ARID4B: variants seen among roughly 807,000 people sequenced by gnomAD.
ARID4B encodes AT-rich interactive domain-containing protein 4B.
A neutral mutation model predicts 147.5 loss-of-function variants in ARID4B; 26 were observed. The ratio of observed to expected loss-of-function variants is 0.18; its 90% CI spans 0.13 to 0.24. ARID4B has a LOEUF of 0.24. ARID4B is among the 10% of genes least tolerant of loss of function. ARID4B has a pLI of 1.00. For missense variants in ARID4B, 1,179 were observed against 1,511.5 expected, an observed-to-expected ratio of 0.78 and a Z score of 3.65; for synonymous variants, 512 against 507.9, an observed-to-expected ratio of 1.01 and a Z score of -0.11.
intron 2 of ARID4B, among the ~76,000 whole-genome samples, chr1:235,271,518 T>C (rs1289135166): frequency 6.6e-6 from 1 of 151,316 alleles, no homozygotes; most frequent in Non-Finnish European, 1.5e-5. Context: ...TAATCCCAGC[T>C]ACTTGGGAGG....
In ARID4B at chr1:235,231,147, G is replaced by C. The variant is rs1467119541; in HGVS notation, c.708C>G (p.Asp236Glu). 6.3e-7 allele frequency: 1 copy of C among 1,591,514 alleles called. No homozygotes were observed. The highest frequency in any genetic ancestry group is 1.8e-5 in the Admixed American group (1 of 56,410). The change falls in exon 10 of 24, where the codon GAC becomes GAG. Residue 236 changes from aspartate (D) to glutamate (E), a missense_variant. Transcript: ENST00000264183. ...AAACAGCATCAGGCTTTGGTGCAGT[G>C]TCACTAGTAATTTCATGGACATCTT... ...PRKDVHEITSDTAPKPDAVLK... is the reference protein window; with the variant it reads ...PRKDVHEITSETAPKPDAVLK...
At chr1:235,221,411 G>GAATA (rs1667459668) in intron 14 of ARID4B, among the ~76,000 whole-genome samples, 154 bp downstream of exon 14, 1 of 151,970 alleles carries the variant, frequency 6.6e-6, no homozygotes, top group Admixed American at 6.6e-5. Flanking sequence ...TAGTATCATA[G>GAATA]AATACACTTT....
intron 8 of ARID4B, among the ~76,000 whole-genome samples, chr1:235,239,254 G>A (rs1668829049): frequency 6.6e-6 from 1 of 152,066 alleles, no homozygotes; most frequent in Non-Finnish European, 1.5e-5. Context: ...TTACAGGTGT[G>A]AGCCACCACA....
chr1:235,322,907 A>T (rs1674945040), intron 2 of ARID4B, among the ~76,000 whole-genome samples: 1 of 152,138 alleles, frequency 6.6e-6, no homozygotes, highest in Admixed American at 6.5e-5. Context: ...GAACATGTAC[A>T]CACACACAGG....
In ARID4B at chr1:235,216,356, C is replaced by CT. The variant is rs546821557; in HGVS notation, c.1584-2331dup. ...ACATATATACGTGTATATATATATA[C>CT]TTTTTTTTTGAGACAGAGTCTCGCT... On this transcript the variant is annotated intron_variant, in intron 16 of 23. Transcript: ENST00000264183. Among the ~76,000 whole-genome samples, 44 of 150,510 alleles carry CT rather than the reference C, an allele frequency of 2.9e-4. No homozygotes were observed. The East Asian group carries it at 6.4e-3, about 22-fold the overall frequency.
At chr1:235,236,833 A>AAAATATATATATATATATAT (rs1175189621) in intron 8 of ARID4B, among the ~76,000 whole-genome samples, 3 of 33,520 alleles carry the variant, frequency 8.9e-5, no homozygotes, top group Non-Finnish European at 1.4e-4. Flanking sequence ...TTTTATAAAA[A>AAAATATATATATATATATAT]ATATATATAT....
intron 2 of ARID4B, among the ~76,000 whole-genome samples, chr1:235,321,913 A>C (rs764442916): frequency 2.6e-5 from 4 of 151,700 alleles, no homozygotes; most frequent in Non-Finnish European, 5.9e-5. Context: ...TTCCATCCTT[A>C]CATTCAGCTC....
At chr1:235,191,524 G>A (rs1157576062) in intron 19 of ARID4B, among the ~76,000 whole-genome samples, 5 of 152,032 alleles carry the variant, frequency 3.3e-5, no homozygotes, top group Admixed American at 3.3e-4. Context: ...CAAAAGTGCT[G>A]GGATTACAGG....
chr1:235,191,107 C>G (rs1188099998), intron 19 of ARID4B, among the ~76,000 whole-genome samples: 1 of 152,122 alleles, frequency 6.6e-6, no homozygotes, highest in East Asian at 1.9e-4. Flanking sequence ...ATCATTTTAT[C>G]CAGCAGAAAC....
intron 7 of ARID4B, among the ~76,000 whole-genome samples, chr1:235,245,593 C>A (rs991503356): frequency 7.9e-5 from 12 of 151,960 alleles, no homozygotes; most frequent in Non-Finnish European, 1.3e-4. Flanking sequence ...TCAGCAAGAA[C>A]CAGTCCTAAT....
chr1:235,300,101 T>G (rs1226583868), intron 2 of ARID4B, among the ~76,000 whole-genome samples: 2 of 152,112 alleles, frequency 1.3e-5, no homozygotes, highest in Non-Finnish European at 2.9e-5. Context: ...CAGCAACCAA[T>G]AAGCGGTGTG....
chr1:235,291,337 G>T (rs1279753595), intron 2 of ARID4B, among the ~76,000 whole-genome samples: 1 of 152,076 alleles, frequency 6.6e-6, no homozygotes, highest in Non-Finnish European at 1.5e-5. Context: ...GAACTTGGGA[G>T]GCAGAGGTTG....
At chr1:235,191,768 A>C (rs749006768) in intron 19 of ARID4B, among the ~76,000 whole-genome samples, 1 of 152,152 alleles carries the variant, frequency 6.6e-6, no homozygotes, top group Non-Finnish European at 1.5e-5. Flanking sequence ...CTTGTTACTC[A>C]ATTTTTAAAA....
At chr1:235,231,064 C>T (rs1558227616) in intron 10 of ARID4B, 49 bp downstream of exon 10, 11 of 1,280,294 alleles carry the variant, frequency 8.6e-6, no homozygotes, top group Non-Finnish European at 1.2e-5. Context: ...TTCAAAAACA[C>T]TTTAGCAGTT....
chr1:235,313,139 G>C (rs1188804241), intron 2 of ARID4B, among the ~76,000 whole-genome samples: 1 of 152,078 alleles, frequency 6.6e-6, no homozygotes, highest in Non-Finnish European at 1.5e-5. Flanking sequence ...CACTTCCCGG[G>C]TTCAAGAGAT....
intron 21 of ARID4B, among the ~76,000 whole-genome samples, chr1:235,176,259 C>A (rs1047718544): frequency 6.6e-6 from 1 of 151,710 alleles, no homozygotes; most frequent in Non-Finnish European, 1.5e-5. Context: ...TATGAATATA[C>A]TAAATAACTC....
At chr1:235,243,497 A>C (rs1467658347) in intron 7 of ARID4B, among the ~76,000 whole-genome samples, 1 of 152,160 alleles carries the variant, frequency 6.6e-6, no homozygotes, top group Non-Finnish European at 1.5e-5. Context: ...CTATGAAATA[A>C]AATCTGATGA....
intron 21 of ARID4B, among the ~76,000 whole-genome samples, chr1:235,176,512 G>A (rs1405935032): frequency 3.5e-5 from 5 of 142,786 alleles, no homozygotes; most frequent in African/African-American, 1.3e-4. Context: ...AATAGTAAAG[G>A]TAGATAGCAG....
chr1:235,310,995 T>A (rs1674009423), intron 2 of ARID4B, among the ~76,000 whole-genome samples: 1 of 152,098 alleles, frequency 6.6e-6, no homozygotes, highest in Non-Finnish European at 1.5e-5. Context: ...GTCTAATCAA[T>A]GCTAACAGGG....
Sources: allele counts gnomAD v4.1 joint callset (sites outside exome capture counted in the v4.1 genomes callset), GRCh38; gene constraint gnomAD v4.1.1; transcripts MANE v1.5; gene names NCBI Gene and HGNC (gene_info 2026-07-23, HGNC 2026-07-21).